The following SREBF1 variants were observed in gnomAD, a reference collection of about 807,000 sequenced individuals.
SREBF1 encodes sterol regulatory element-binding protein 1.
In SREBF1, 45 loss-of-function variants were observed where a neutral mutation model predicts 100.1. The observed-to-expected ratio is 0.45, with a 90% confidence interval of 0.35 to 0.58. SREBF1 has a LOEUF of 0.58. SREBF1 is among the 20% of genes least tolerant of loss of function. The pLI is 0.00. For synonymous variants in SREBF1, 657 were observed against 681.8 expected (o/e 0.96, Z 0.57); for missense variants, 1,324 against 1,539.4 (o/e 0.86, Z 2.34).
intron 15 of SREBF1, 77 bp downstream of exon 15, chr17:17,814,538 C>T (rs1410212334): frequency 6.5e-7 from 1 of 1,535,514 alleles, no homozygotes; most frequent in African/African-American, 1.4e-5. Context: ...AGAACAAAGG[C>T]TGAGTGAGGC....
intron 1 of SREBF1, among the ~76,000 whole-genome samples, chr17:17,832,529 C>G (rs922253164): frequency 5.3e-5 from 8 of 152,226 alleles, no homozygotes; most frequent in Admixed American, 3.3e-4. Context: ...CTCAGCTCCA[C>G]TCCTGGTAGA....
At chr17:17,821,929 G>A (rs540624816) in intron 1 of SREBF1, among the ~76,000 whole-genome samples, 2 of 152,354 alleles carry the variant, frequency 1.3e-5, no homozygotes, top group Admixed American at 1.3e-4. Flanking sequence ...ACCCACAGCT[G>A]AGAGGGTGAT....
Position 17,817,140 on chromosome 17 carries a change from T to C in SREBF1, c.1607-4A>G. 1 of 1,613,026 alleles carries C rather than the reference T, an allele frequency of 6.2e-7. No individual in the cohort carries two copies. The highest frequency in any genetic ancestry group is 8.5e-7 in the Non-Finnish European group (1 of 1,179,880). On this transcript the variant is annotated splice_polypyrimidine_tract_variant and splice_region_variant and intron_variant, in intron 8 of 18. Coordinates refer to ENST00000261646, the MANE Select transcript of SREBF1 (RefSeq NM_004176.5). This position sits in a 1 kb window ranked among gnomAD's most constrained non-coding sequence, Gnocchi z 6.6. ...CACTGGGCCCAGCCAGGGCCATCTA[T>C]GGACAGAGGGAAAGCTGGGGACACA... is the stretch of plus-strand genomic sequence containing the variant.
chr17:17,816,588 A>C lies in SREBF1; in HGVS notation c.1916T>G (p.Leu639Arg). The C allele has an allele frequency of 6.2e-7, 1 of 1,606,424 alleles. No homozygotes were observed. Among genetic ancestry groups the C allele is most frequent in the Non-Finnish European group, 8.5e-7 (1 of 1,177,412 alleles). ...GCCTGCCAGCCAGCGGCCCACCCAG[A>C]GACGCTGCAGCAGGTGACGGATGAG... ...WNLIRHLLQRLWVGRWLAGRA... is the reference protein window; with the variant it reads ...WNLIRHLLQRRWVGRWLAGRA... The change falls in exon 10 of 19, where the codon CTC becomes CGC. Residue 639 changes from leucine (L) to arginine (R), a missense_variant. Coordinates refer to ENST00000261646, the MANE Select transcript of SREBF1 (RefSeq NM_004176.5).
intron 16 of SREBF1, 131 bp from the exon 17 acceptor site, chr17:17,813,900 A>T: frequency 9.3e-6 from 9 of 963,362 alleles, no homozygotes; most frequent in Non-Finnish European, 1.4e-5. Context: ...CACACGTGCA[A>T]TGCAACAGCA....
At chr17:17,822,264 C>T (rs991438285) in intron 1 of SREBF1, among the ~76,000 whole-genome samples, 1 of 152,238 alleles carries the variant, frequency 6.6e-6, no homozygotes, top group Non-Finnish European at 1.5e-5. Context: ...AGGCTGCCAT[C>T]ACCAACCCAT....
At chr17:17,823,954 C>T (rs2034319726) in intron 1 of SREBF1, among the ~76,000 whole-genome samples, 1 of 152,012 alleles carries the variant, frequency 6.6e-6, no homozygotes, top group South Asian at 2.1e-4. Context: ...TGGCCCTCAG[C>T]TCCCGCCCCC....
At position 17,814,322 on chromosome 17, in the gene SREBF1, G is replaced by A; in HGVS notation, c.2824C>T (p.Leu942=). Residue 942 remains leucine, a synonymous_variant, in exon 16 of 19, where the codon CTG becomes TTG. Transcript: ENST00000261646. ...CCACTGGCCTTCTCACAGATGGTCAGGCTGGCTGGACCAGACTCTGCCTTG... is the reference window on the plus strand; with the variant it reads ...CCACTGGCCTTCTCACAGATGGTCAAGCTGGCTGGACCAGACTCTGCCTTG... The part of the protein sequence containing the change: ...CAKAESGPAS[L]TICEKASGYL... 1 of 1,594,178 alleles carries A rather than the reference G, an allele frequency of 6.3e-7. No individual in the cohort carries two copies.
intron 16 of SREBF1, 77 bp from the exon 17 acceptor site, chr17:17,813,846 G>C: frequency 7.0e-7 from 1 of 1,432,322 alleles, no homozygotes; most frequent in Middle Eastern, 2.2e-4. Flanking sequence ...GTGGTGCCAG[G>C]GGCCGGCTCC....
Position 17,812,625 on chromosome 17 carries a change from G to T in SREBF1, c.3441C>A (p.Ser1147Arg). Residue 1147 changes from serine (S) to arginine (R), a missense_variant, in exon 19 of 19, where the codon AGC (serine) becomes AGA (arginine). Coordinates refer to ENST00000261646, the MANE Select transcript of SREBF1 (RefSeq NM_004176.5). The part of the protein sequence containing the change: ...RLGGGTTVTS[S>R] ...GCTGAGGCCGGGGACACGGGGTCTA[G>T]CTGGAAGTGACAGTGGTCCCACCGC... 1 of 1,602,346 alleles carries T rather than the reference G, an allele frequency of 6.2e-7. No individual in the cohort carries two copies.
intron 1 of SREBF1, among the ~76,000 whole-genome samples, chr17:17,833,474 T>TCTAC (rs2035032883): frequency 1.8e-5 from 2 of 110,692 alleles, no homozygotes; most frequent in Admixed American, 9.2e-5. Flanking sequence ...TATATATATA[T>TCTAC]ACACACACAC....
chr17:17,815,185 G>A, intron 13 of SREBF1, 36 bp downstream of exon 13: 5 of 1,583,452 alleles, frequency 3.2e-6, no homozygotes, highest in Non-Finnish European at 4.3e-6. Flanking sequence ...TCCCGCCGGA[G>A]GGGCCTTGCC....
At position 17,812,095 on chromosome 17, in the gene SREBF1, T is replaced by C. The variant is rs1353137592; in HGVS notation, c.*527A>G. 2 of 432,644 alleles carry C rather than the reference T, an allele frequency of 4.6e-6. No homozygotes were observed. The highest frequency in any genetic ancestry group is 2.1e-5 in the African/African-American group (1 of 48,216). The allele number at this position is 432,644 out of a possible 1,614,324, so 26.8% of individuals were successfully genotyped here. On this transcript the variant is annotated 3_prime_UTR_variant, in exon 19 of 19. Coordinates refer to ENST00000261646, the MANE Select transcript of SREBF1 (RefSeq NM_004176.5). ...ACCCAGATTATAAATAATTTCATTTTTAATTCTCTGTACAAAACTTCTCAA... is the reference window on the plus strand; with the variant it reads ...ACCCAGATTATAAATAATTTCATTTCTAATTCTCTGTACAAAACTTCTCAA...
At position 17,815,986 on chromosome 17, in the gene SREBF1, T is replaced by C. The variant is rs2033521959; in HGVS notation, c.2257A>G (p.Ser753Gly). The stretch of plus-strand genomic sequence containing the variant: ...TGCATGGCAGGAGGCACTGAGCCAC[T>C]CTGTGCCAGGCAGGCCTGGCGGGCA... ...SSARQACLAQ[S>G]GSVPPAMQWL... Residue 753 changes from serine to glycine, a missense_variant, in exon 12 of 19, where the codon AGT becomes GGT. By Grantham distance (56) the Ser-to-Gly change is moderately conservative. Coordinates refer to ENST00000261646, the MANE Select transcript of SREBF1 (RefSeq NM_004176.5). 6.2e-7 allele frequency: 1 copy of C among 1,612,664 alleles called. No homozygotes were observed. The highest frequency in any genetic ancestry group is 1.7e-5 in the Admixed American group (1 of 59,988).
Position 17,816,460 on chromosome 17 carries a change from T to C in SREBF1, c.2044A>G (p.Met682Val). ...VYHKLHQLHTMGKHTGGHLTA... is the reference protein window; with the variant it reads ...VYHKLHQLHTVGKHTGGHLTA... ...CCCGCCCCACGCTCAGTCCTACCCA[T>C]GGTGTGCAGCTGGTGCAGCTTATGG... The change falls in exon 10 of 19, where the codon ATG becomes GTG. Residue 682 changes from methionine to valine, a missense_variant. By Grantham distance (21) the Met-to-Val change is conservative (BLOSUM62 1). Transcript: ENST00000261646. The C allele has an allele frequency of 1.9e-6, 3 of 1,606,208 alleles. No individual in the cohort carries two copies. Among genetic ancestry groups the C allele is most frequent in the Non-Finnish European group, 2.5e-6 (3 of 1,177,186 alleles).
chr17:17,836,731 GA>G lies in SREBF1; in HGVS notation c.86del (p.Ile29ThrfsTer51). The G allele has an allele frequency of 6.4e-7, 1 of 1,569,620 alleles. No homozygotes were observed. The highest frequency in any genetic ancestry group is 1.2e-5 in the South Asian group (1 of 86,894). On this transcript the variant is annotated frameshift_variant, in exon 1 of 19. Coordinates refer to ENST00000261646, the MANE Select transcript of SREBF1 (RefSeq NM_004176.5). LOFTEE classifies it high-confidence loss of function. ...CDLDAALLTD[I>X]EDMLQLINNQ... is the part of the protein sequence containing the mutation. ...GCCCTGCCCGCCCTGACGCACCTTC[GA>G]TGTCGGTCAGCAGCGCCGCGTCCAG...
Position 17,820,193 on chromosome 17 carries a change from C to A in SREBF1, c.420G>T (p.Leu140=). The change falls in exon 2 of 19, where the codon CTG becomes CTT. Residue 140 remains leucine (L), a synonymous_variant. Coordinates refer to ENST00000261646, the MANE Select transcript of SREBF1 (RefSeq NM_004176.5). ...SILQTPTPQP[L]PGALLPQSFP... ...AGCTCTGTGGCAGGAGGGCCCCTGG[C>A]AGGGGCTGTGGGGTGGGGGTCTGCA... 1 of 1,613,302 alleles carries A rather than the reference C, an allele frequency of 6.2e-7. No individual in the cohort carries two copies. Among genetic ancestry groups the A allele is most frequent in the South Asian group, 1.1e-5 (1 of 91,076 alleles).
At chr17:17,829,443 G>A (rs1178858177) in intron 1 of SREBF1, among the ~76,000 whole-genome samples, 3 of 151,762 alleles carry the variant, frequency 2.0e-5, no homozygotes, top group African/African-American at 4.9e-5. Flanking sequence ...TAGCATCACC[G>A]GCACTGGGTG....
intron 9 of SREBF1, 32 bp downstream of exon 9, chr17:17,816,926 C>A (rs1021607815): frequency 6.2e-7 from 1 of 1,612,222 alleles, no homozygotes; most frequent in African/African-American, 1.3e-5. Context: ...GGGGTCCCTG[C>A]CCTGCCCACT....
Sources: allele counts gnomAD v4.1 joint callset (sites outside exome capture counted in the v4.1 genomes callset), GRCh38; gene constraint gnomAD v4.1.1; non-coding constraint Gnocchi (gnomAD v3.1); transcripts MANE v1.5; gene names NCBI Gene and HGNC (gene_info 2026-07-23, HGNC 2026-07-21).